Variants in ZNF585B observed in about 807,000 individuals in gnomAD.
ZNF585B encodes the protein zinc finger protein 41-like protein.
A neutral mutation model predicts 14.0 loss-of-function variants in ZNF585B; 7 were observed. The observed-to-expected ratio is 0.50, with a 90% CI of 0.28 to 0.94. The LOEUF is 0.94. Ranked by LOEUF, ZNF585B falls within the 40% of genes least tolerant of loss-of-function variation. The probability of loss-of-function intolerance (pLI) is 0.09; values close to 1 mark genes in which losing one functional copy is unlikely to be tolerated. For synonymous variants in ZNF585B, 290 were observed against 317.3 expected (o/e 0.91, Z 0.91); for missense variants, 750 against 924.4 (o/e 0.81, Z 2.45).
intron 2 of ZNF585B, among the ~76,000 whole-genome samples, chr19:37,202,007 C>T (rs1599768026): frequency 6.6e-6 from 1 of 152,066 alleles, no homozygotes; most frequent in East Asian, 1.9e-4. Flanking sequence ...TATTAGTCTA[C>T]TGTTTTCATC....
Position 37,186,077 on chromosome 19 carries a change from G to C in ZNF585B, c.1460C>G (p.Thr487Ser), listed in dbSNP as rs1385291887. ...NRSNLITHQK[T>S]HTGEKSYICS... Reference sequence around the variant, plus strand: ...TATATAAGATTTCTCTCCTGTATGAGTTTTCTGATGTGTAATGAGATTTGA... The same window carrying C: ...TATATAAGATTTCTCTCCTGTATGACTTTTCTGATGTGTAATGAGATTTGA... The change falls in exon 5 of 5, where the codon ACT becomes AGT. Residue 487 changes from threonine (T) to serine (S), a missense_variant. Around this residue, in one of 2 missense-constraint regions of ZNF585B, gnomAD observed 233 missense variants for 354.1 expected, o/e 0.66. Coordinates refer to ENST00000532828, the MANE Select transcript of ZNF585B (RefSeq NM_152279.4). 6.2e-7 allele frequency: 1 copy of C among 1,613,762 alleles called. No homozygotes were observed. Among genetic ancestry groups the C allele is most frequent in the East Asian group, 2.2e-5 (1 of 44,854 alleles).
chr19:37,210,191 TCA>T (rs1972631789), intron 1 of ZNF585B, among the ~76,000 whole-genome samples: 1 of 152,148 alleles, frequency 6.6e-6, no homozygotes, highest in African/African-American at 2.4e-5. Flanking sequence ...AGCAAGCTGA[TCA>T]CAGTCCTCAC....
chr19:37,205,649 T>C (rs1220504073), intron 2 of ZNF585B, among the ~76,000 whole-genome samples: 4 of 152,200 alleles, frequency 2.6e-5, no homozygotes, highest in Non-Finnish European at 5.9e-5. Context: ...CAGTCCCATC[T>C]CTTTCACCAT....
rs757098309 is a variant in ZNF585B, at chr19:37,199,001, G to T, written c.72+8039C>A. On this transcript the variant is annotated intron_variant, in intron 2 of 4. Coordinates refer to ENST00000532828, the MANE Select transcript of ZNF585B (RefSeq NM_152279.4). ...CAGTTTGTCTCTTGTGATGCATATT[G>T]ATTGTGCTTATAGGGCTCAGAACAT... 5.9e-6 allele frequency: 9 copies of T among 1,530,936 alleles called. No individual in the cohort carries two copies. The East Asian group carries it at 1.2e-4, about 21-fold the overall frequency. The allele number at this position is 1,530,936 out of a possible 1,614,324, so 94.8% of individuals were successfully genotyped here.
rs2145433010 is a variant in ZNF585B at position 37,189,531 on chromosome 19, AT to A, written c.292+129del. ...AGTGATCTGAGAGGCATCAAGCAAT[AT>A]AAAAAATTCAGAGCCTTACTGAAGA... On this transcript the variant is annotated intron_variant, in intron 4 of 4. Coordinates refer to ENST00000532828, the MANE Select transcript of ZNF585B (RefSeq NM_152279.4). 9.5e-6 allele frequency: 9 copies of A among 942,796 alleles called. No homozygotes were observed. In the South Asian group the frequency reaches 1.3e-4, roughly 13 times the overall value. 58.4% of individuals were successfully genotyped at this position (942,796 alleles called of 1,614,324 possible).
intron 2 of ZNF585B, among the ~76,000 whole-genome samples, chr19:37,192,656 CA>C (rs1347803825): frequency 1.3e-5 from 2 of 151,016 alleles, no homozygotes; most frequent in Admixed American, 1.3e-4. Flanking sequence ...ACTAAAAATA[CA>C]AAAAATTAGC....
chr19:37,199,592 C>A, intron 2 of ZNF585B: 1 of 360,254 alleles, frequency 2.8e-6, no homozygotes, highest in Non-Finnish European at 5.5e-6. Context: ...CTAAGCATCG[C>A]CTAATGTACA....
Position 37,190,063 on chromosome 19 carries a change from C to T in ZNF585B, c.160G>A (p.Asp54Asn), listed in dbSNP as rs769441756. The T allele has an allele frequency of 4.3e-6, 7 of 1,614,112 alleles. No individual in the cohort carries two copies. The South Asian group carries it at 6.6e-5, about 15-fold the overall frequency. Residue 54 changes from aspartate (D) to asparagine (N), a missense_variant, in exon 3 of 5, where the codon GAT becomes AAT. Around this residue, in one of 2 missense-constraint regions of ZNF585B, gnomAD observed 517 missense variants for 570.3 expected, o/e 0.91. Transcript: ENST00000532828. ...LDLSQRNLYR[D>N]VMLETYSHLL... ...TGGCTGTAGGTCTCCAGCATCACATCCCGGTACAGGTTTCTCTGAGAAAGG... is the reference window on the plus strand; with the variant it reads ...TGGCTGTAGGTCTCCAGCATCACATTCCGGTACAGGTTTCTCTGAGAAAGG...
At chr19:37,209,746 T>C (rs35571564) in intron 1 of ZNF585B, among the ~76,000 whole-genome samples, 1 of 131,858 alleles carries the variant, frequency 7.6e-6, no homozygotes, top group Non-Finnish European at 1.6e-5. Flanking sequence ...TTTTTTTTGG[T>C]GCTCTGTGGC....
intron 2 of ZNF585B, chr19:37,190,502 T>C: frequency 5.9e-6 from 1 of 170,476 alleles, no homozygotes; most frequent in South Asian, 1.5e-4. Context: ...TCCGCCCACC[T>C]CGACCTCCCA....
chr19:37,193,739 C>T (rs1972430182), intron 2 of ZNF585B, among the ~76,000 whole-genome samples: 1 of 152,138 alleles, frequency 6.6e-6, no homozygotes, highest in Admixed American at 6.6e-5. Flanking sequence ...GTTAATGCAC[C>T]ACTGCACACC....
Position 37,189,676 on chromosome 19 carries a change from G to C in ZNF585B, c.277C>G (p.Arg93Gly). The change falls in exon 4 of 5, where the codon CGT becomes GGT. Residue 93 changes from arginine to glycine, a missense_variant. Physicochemically the swap from Arg to Gly is moderately radical, Grantham distance 125. Coordinates refer to ENST00000532828, the MANE Select transcript of ZNF585B (RefSeq NM_152279.4). ...EPWALQGERP[R>G]HSCPGEKLWD... Reference sequence around the variant, plus strand: ...CTTCACTCACCTGGGCAGCTGTGACGTGGCCTCTCACCCTGCAGTGCCCAT... The same window carrying C: ...CTTCACTCACCTGGGCAGCTGTGACCTGGCCTCTCACCCTGCAGTGCCCAT... 6.2e-7 allele frequency: 1 copy of C among 1,613,138 alleles called. No homozygotes were observed. Among genetic ancestry groups the C allele is most frequent in the Non-Finnish European group, 8.5e-7 (1 of 1,179,986 alleles).
chr19:37,189,930 A>G, intron 3 of ZNF585B, 94 bp downstream of exon 3: 1 of 1,579,182 alleles, frequency 6.3e-7, no homozygotes, highest in Non-Finnish European at 8.6e-7. Flanking sequence ...GGACAAAACC[A>G]TCACCTATCT....
chr19:37,205,599 G>T (rs1317381870), intron 2 of ZNF585B, among the ~76,000 whole-genome samples: 1 of 152,138 alleles, frequency 6.6e-6, no homozygotes, highest in South Asian at 2.1e-4. Flanking sequence ...TATCACTACC[G>T]GGAGACACAG....
chr19:37,202,205 G>A (rs756837997), intron 2 of ZNF585B, among the ~76,000 whole-genome samples: 3 of 152,088 alleles, frequency 2.0e-5, no homozygotes, highest in Admixed American at 6.6e-5. Context: ...GTTTCATCAC[G>A]TTAGCCAGGC....
chr19:37,185,776 G>T lies in ZNF585B; in HGVS notation c.1761C>A (p.Phe587Leu). 1 of 1,594,206 alleles carries T rather than the reference G, an allele frequency of 6.3e-7. No individual in the cohort carries two copies. Among genetic ancestry groups the T allele is most frequent in the Non-Finnish European group, 8.6e-7 (1 of 1,169,250 alleles). ...PYVCTECGRA[F>L]IRKSNFITHQ... ...GAGTAATAAAGTTTGACTTGCGGAT[G>T]AAAGCTCTTCCACACTCAGTGCATA... The change falls in exon 5 of 5, where the codon TTC becomes TTA. Residue 587 changes from phenylalanine (F) to leucine (L), a missense_variant. This residue lies in a region of ZNF585B where 233 missense variants were observed against 354.1 expected (regional missense o/e 0.66). Coordinates refer to ENST00000532828, the MANE Select transcript of ZNF585B (RefSeq NM_152279.4).
chr19:37,195,852 C>G (rs909214110), intron 2 of ZNF585B: 1 of 152,148 alleles, frequency 6.6e-6, no homozygotes, highest in African/African-American at 2.4e-5. Context: ...TATGGAGAAA[C>G]CCCGTCTCTA....
Position 37,185,190 on chromosome 19 carries a change from A to G in ZNF585B, c.*37T>C, listed in dbSNP as rs768799624. The G allele has an allele frequency of 1.2e-5, 19 of 1,571,194 alleles. No homozygotes were observed. The highest frequency in any genetic ancestry group is 1.6e-5 in the Non-Finnish European group (18 of 1,158,032). ...CATGCGTGCAACAGTGTACAATCAG[A>G]CCCAACCCTCAGGGGGGTTTTCTCA... is the stretch of plus-strand genomic sequence containing the variant. On this transcript the variant is annotated 3_prime_UTR_variant, in exon 5 of 5. Transcript: ENST00000532828.
At chr19:37,203,875 G>A (rs1342524267) in intron 2 of ZNF585B, among the ~76,000 whole-genome samples, 5 of 152,040 alleles carry the variant, frequency 3.3e-5, no homozygotes, top group African/African-American at 1.2e-4. Context: ...TGATCTGCCC[G>A]CCTCGGCCTC....
Sources: gnomAD v4.1 joint callset for allele counts (sites outside exome capture counted in the v4.1 genomes callset) on GRCh38, gnomAD v4.1.1 for gene constraint, gnomAD v4.1.1 regional missense constraint, MANE v1.5 for transcripts, NCBI Gene and HGNC (gene_info 2026-07-23, HGNC 2026-07-21) for gene names.